The following FER1L6 variants were observed in gnomAD, a reference collection of about 807,000 sequenced individuals.
FER1L6 encodes fer-1-like protein 6.
Under a neutral mutation model 219.2 loss-of-function variants are expected in FER1L6, and 177 were observed. That is an observed-to-expected ratio of 0.81 (90% CI 0.71 to 0.91). The LOEUF (loss-of-function observed/expected upper bound fraction) is 0.91. FER1L6 is among the 40% of genes least tolerant of loss of function. FER1L6 has a pLI of 0.00. For missense variants in FER1L6, 2,153 were observed against 2,259.9 expected, an observed-to-expected ratio of 0.95 and a Z score of 0.96; for synonymous variants, 768 against 824.3, an observed-to-expected ratio of 0.93 and a Z score of 1.17.
chr8:123,978,608 T>C (rs1048827560), intron 10 of FER1L6, among the ~76,000 whole-genome samples: 1 of 152,250 alleles, frequency 6.6e-6, no homozygotes, highest in Non-Finnish European at 1.5e-5. Context: ...TTTGCATACA[T>C]ACATGCACAT....
intron 31 of FER1L6, among the ~76,000 whole-genome samples, chr8:124,074,115 T>C (rs1821183238): frequency 2.0e-5 from 3 of 152,212 alleles, no homozygotes. Flanking sequence ...TACCATTTCT[T>C]ACCATCCTCC....
rs1027676727 is a variant in FER1L6 at position 123,852,110 on chromosome 8, C to T, written c.-83C>T. ...CCACGAGCACGAACCCACTGCTGCG[C>T]TTCATTTGCTGTGAAGTGAGTCCCT... On this transcript the variant is annotated 5_prime_UTR_variant, in exon 1 of 41. Coordinates refer to ENST00000522917, the MANE Select transcript of FER1L6 (RefSeq NM_001039112.2). The surrounding 1 kb of genome is among the most constrained non-coding windows in gnomAD (Gnocchi z 4.9). 2.0e-5 allele frequency: 3 copies of T among 152,208 alleles called. No homozygotes were observed. The highest frequency in any genetic ancestry group is 7.2e-5 in the African/African-American group (3 of 41,438). The allele number at this position is 152,208 out of a possible 1,614,324, so 9.4% of individuals were successfully genotyped here. A position where few individuals can be genotyped will look rare whatever the true frequency, so the allele number is the denominator to read the frequency against.
intron 2 of FER1L6, among the ~76,000 whole-genome samples, chr8:123,961,171 G>A (rs973365963): frequency 6.6e-6 from 1 of 152,136 alleles, no homozygotes; most frequent in Non-Finnish European, 1.5e-5. Context: ...TGAGGTGGGA[G>A]GATCCTCGAG....
intron 1 of FER1L6, among the ~76,000 whole-genome samples, chr8:123,858,275 CT>C (rs1816683791): frequency 6.6e-6 from 1 of 152,188 alleles, no homozygotes; most frequent in African/African-American, 2.4e-5. Flanking sequence ...GTTCTTGGTG[CT>C]GTTTTTAGAA....
intron 32 of FER1L6, among the ~76,000 whole-genome samples, chr8:124,080,813 T>C (rs542534049): frequency 6.6e-6 from 1 of 152,290 alleles, no homozygotes; most frequent in Non-Finnish European, 1.5e-5. Context: ...GGCTTCCTTG[T>C]GATGCACCTG....
intron 1 of FER1L6, among the ~76,000 whole-genome samples, chr8:123,929,208 G>A (rs937717474): frequency 4.6e-5 from 7 of 152,304 alleles, no homozygotes; most frequent in Middle Eastern, 3.4e-3. Flanking sequence ...CATTTAACAC[G>A]TTTTATTGAG....
chr8:124,035,585 A>C (rs1008227751), intron 19 of FER1L6, 131 bp downstream of exon 19: 27 of 850,548 alleles, frequency 3.2e-5, no homozygotes, highest in Middle Eastern at 3.6e-4. Flanking sequence ...TTCTTAAGTA[A>C]AGTACAGTTT....
At chr8:124,032,398 T>C (rs1819008821) in intron 18 of FER1L6, among the ~76,000 whole-genome samples, 1 of 152,020 alleles carries the variant, frequency 6.6e-6, no homozygotes, top group Admixed American at 6.6e-5. Context: ...GCACTCTAGC[T>C]TGGGTGACAG....
chr8:124,110,132 G>A (rs915347546), intron 39 of FER1L6, among the ~76,000 whole-genome samples: 5 of 152,012 alleles, frequency 3.3e-5, no homozygotes, highest in Non-Finnish European at 1.5e-5. Context: ...CCCTTTTCTT[G>A]TATCTTCCTC....
intron 21 of FER1L6, among the ~76,000 whole-genome samples, chr8:124,048,900 C>T (rs1290689921): frequency 3.3e-5 from 5 of 152,172 alleles, no homozygotes; most frequent in Non-Finnish European, 5.9e-5. Context: ...GGAATGTTTG[C>T]TGCCGCCTGA....
Position 123,879,719 on chromosome 8 carries a change from G to A in FER1L6, c.-8+27534G>A, listed in dbSNP as rs73703696. Among the ~76,000 whole-genome samples, 1,105 of 151,916 alleles carry A rather than the reference G, an allele frequency of 7.3e-3. 15 individuals carry two copies. The highest frequency in any genetic ancestry group is 0.025 in the African/African-American group (1,050 of 41,294). On this transcript the variant is annotated intron_variant, in intron 1 of 40. Coordinates refer to ENST00000522917, the MANE Select transcript of FER1L6 (RefSeq NM_001039112.2). ...TATGGGAAAACTCACCTGTGCATGC[G>A]CATACACACACACACACACTCACAC...
At chr8:124,005,437 A>G (rs1289491252) in intron 13 of FER1L6, among the ~76,000 whole-genome samples, 3 of 152,332 alleles carry the variant, frequency 2.0e-5, no homozygotes, top group Non-Finnish European at 4.4e-5. Flanking sequence ...TGGACCTTAG[A>G]ACACACTCTT....
intron 1 of FER1L6, among the ~76,000 whole-genome samples, chr8:123,906,736 G>T (rs570510618): frequency 1.3e-5 from 2 of 151,378 alleles, no homozygotes; most frequent in African/African-American, 4.9e-5. Context: ...GGAGGTGGAA[G>T]TTGCAGTGAA....
chr8:124,002,189 T>C (rs1817439482), intron 12 of FER1L6, among the ~76,000 whole-genome samples: 1 of 152,230 alleles, frequency 6.6e-6, no homozygotes. Flanking sequence ...ACTCCATTAG[T>C]AGAAGGCAAT....
chr8:124,053,063 C>T (rs1820123854), intron 22 of FER1L6, among the ~76,000 whole-genome samples: 1 of 152,172 alleles, frequency 6.6e-6, no homozygotes, highest in East Asian at 1.9e-4. Context: ...CGTGAGAAAG[C>T]TGAGGCTCAA....
intron 12 of FER1L6, among the ~76,000 whole-genome samples, chr8:124,000,950 G>A (rs1817382949): frequency 1.3e-5 from 2 of 152,224 alleles, no homozygotes. Context: ...TCTAAGAAGA[G>A]AGGTTTGGGT....
chr8:123,924,250 A>AAAG (rs1355535769), intron 1 of FER1L6, among the ~76,000 whole-genome samples: 2 of 150,654 alleles, frequency 1.3e-5, no homozygotes, highest in Non-Finnish European at 3.0e-5. Context: ...AAAAAAAAAA[A>AAAG]AAAAAAGTAT....
intron 40 of FER1L6, among the ~76,000 whole-genome samples, chr8:124,119,357 T>C (rs1363871203): frequency 1.3e-5 from 2 of 151,926 alleles, no homozygotes; most frequent in African/African-American, 4.8e-5. Flanking sequence ...TGGAGGGTGG[T>C]GGGGCCTTGG....
intron 2 of FER1L6, among the ~76,000 whole-genome samples, chr8:123,958,476 C>T (rs867093773): frequency 6.6e-6 from 1 of 152,106 alleles, no homozygotes; most frequent in South Asian, 2.1e-4. Context: ...CTTCGGGGTT[C>T]CAGTAACTGC....
Sources: allele counts gnomAD v4.1 joint callset (sites outside exome capture counted in the v4.1 genomes callset), GRCh38; gene constraint gnomAD v4.1.1; non-coding constraint Gnocchi (gnomAD v3.1); transcripts MANE v1.5; gene names NCBI Gene and HGNC (gene_info 2026-07-23, HGNC 2026-07-21).